NAV2: variants seen among roughly 807,000 people sequenced by gnomAD.
NAV2 encodes helicase, APC down-regulated 1.
A neutral mutation model predicts 223.2 loss-of-function variants in NAV2; 54 were observed. The observed-to-expected ratio is 0.24, with a 90% confidence interval of 0.19 to 0.30. The LOEUF is 0.30. Ranked by LOEUF, NAV2 falls within the 10% of genes least tolerant of loss-of-function variation. The pLI is 1.00. For missense variants in NAV2, 2,806 were observed against 3,147.5 expected, an observed-to-expected ratio of 0.89 and a Z score of 2.60; for synonymous variants, 1,279 against 1,239.3, an observed-to-expected ratio of 1.03 and a Z score of -0.67.
chr11:19,400,504 T>C (rs1474353249), intron 1 of NAV2, among the ~76,000 whole-genome samples: 1 of 152,208 alleles, frequency 6.6e-6, no homozygotes, highest in Non-Finnish European at 1.5e-5. Context: ...ACACAGGAAC[T>C]GAAGCCAGGT....
Position 19,945,443 on chromosome 11 carries a change from C to T in NAV2, c.2147-958C>T, listed in dbSNP as rs545957467. ...AGGCTGGATTGCAATGGCACAATCT[C>T]GGCTGACTGCAACCTCTACCTTCTA... On this transcript the variant is annotated intron_variant, in intron 8 of 37. Coordinates refer to ENST00000349880, the MANE Select transcript of NAV2 (RefSeq NM_145117.5). 7.2e-5 allele frequency among the ~76,000 whole-genome samples: 11 copies of T among 152,008 alleles called. No individual in the cohort carries two copies. The East Asian group carries it at 1.9e-3, about 27-fold the overall frequency.
At chr11:19,350,460 CT>C (rs762775952), upstream of NAV2, among the ~76,000 whole-genome samples, 1 of 152,218 alleles carries the variant, frequency 6.6e-6, no homozygotes, top group Non-Finnish European at 1.5e-5. Flanking sequence ...TGAGGGGCGG[CT>C]TTCCGCGCAG....
intron 20 of NAV2, 90 bp from the exon 21 acceptor site, chr11:20,068,096 C>G (rs1175102889): frequency 1.8e-6 from 2 of 1,136,624 alleles, no homozygotes; most frequent in African/African-American, 1.5e-5. Flanking sequence ...CAGACTGCTG[C>G]AACCATCTGA....
Position 20,030,710 on chromosome 11 carries a change from C to A in NAV2, c.2769-5249C>A, listed in dbSNP as rs78135677. On this transcript the variant is annotated intron_variant, in intron 11 of 37. Coordinates refer to ENST00000349880, the MANE Select transcript of NAV2 (RefSeq NM_145117.5). ...TTTCTAAGCACTTAAGCAACTCTTG[C>A]AAATCAAATAAATTAGAGTTACAAA... is the stretch of plus-strand genomic sequence containing the variant. Among the ~76,000 whole-genome samples, 373 of 152,326 alleles carry A rather than the reference C, an allele frequency of 2.4e-3. 2 individuals carry two copies. The highest frequency in any genetic ancestry group is 8.5e-3 in the African/African-American group (355 of 41,580).
At chr11:19,671,803 AG>A (rs1402783393) in intron 1 of NAV2, among the ~76,000 whole-genome samples, 1 of 152,230 alleles carries the variant, frequency 6.6e-6, no homozygotes. Flanking sequence ...AAACAGGCCA[AG>A]GGCCAGATCT....
chr11:19,582,334 T>C (rs1253349795), intron 1 of NAV2, among the ~76,000 whole-genome samples: 2 of 152,202 alleles, frequency 1.3e-5, no homozygotes, highest in East Asian at 1.9e-4. Context: ...ACTCTGATGG[T>C]AGTTTCTTTT....
At chr11:19,463,872 G>T (rs1193646804) in intron 1 of NAV2, among the ~76,000 whole-genome samples, 4 of 152,032 alleles carry the variant, frequency 2.6e-5, no homozygotes, top group African/African-American at 9.7e-5. Flanking sequence ...CTGGGCTGGG[G>T]GTCCTTCCTG....
chr11:19,920,789 A>G (rs1035895796), intron 6 of NAV2, among the ~76,000 whole-genome samples: 4 of 152,228 alleles, frequency 2.6e-5, no homozygotes, highest in African/African-American at 7.2e-5. Context: ...TCTGAATATC[A>G]CAGAACAGAA....
At chr11:19,735,351 G>A (rs1019515260) in intron 1 of NAV2, among the ~76,000 whole-genome samples, 4 of 152,170 alleles carry the variant, frequency 2.6e-5, no homozygotes, top group African/African-American at 9.7e-5. Flanking sequence ...ATTTCCCTGC[G>A]AGCAGCTTTC....
rs569740265 is a variant in NAV2, at chr11:19,382,474, G to A, written c.75+31447G>A. ...GCGTCTGCCGTTCATGCAGCAGCTCGCTCCAGCCAGATGCTCCGGCAGCCC... is the reference window on the plus strand; with the variant it reads ...GCGTCTGCCGTTCATGCAGCAGCTCACTCCAGCCAGATGCTCCGGCAGCCC... On this transcript the variant is annotated intron_variant, in intron 1 of 37. Coordinates refer to the NAV2 transcript ENST00000360655. Among the ~76,000 whole-genome samples the A allele has an allele frequency of 3.9e-5, 6 of 152,276 alleles. No homozygotes were observed. The South Asian group carries it at 1.2e-3, about 32-fold the overall frequency.
intron 1 of NAV2, among the ~76,000 whole-genome samples, chr11:19,799,363 A>C (rs75921479): frequency 0.057 from 8,667 of 152,208 alleles, 307 homozygotes; most frequent in Non-Finnish European, 0.087. Flanking sequence ...TTAGTTCTAC[A>C]ATTGCTGAGT....
At chr11:20,029,256 G>C (rs35782564) in intron 11 of NAV2, among the ~76,000 whole-genome samples, 6,237 of 152,322 alleles carry the variant, frequency 0.041, 165 homozygotes, top group African/African-American at 0.068. Flanking sequence ...GGGGCCTGGA[G>C]AGGATGTGTC....
chr11:19,449,322 G>A lies in NAV2; in HGVS notation c.75+98295G>A, dbSNP rs7126308. 2.2e-3 allele frequency among the ~76,000 whole-genome samples: 338 copies of A among 152,066 alleles called. 3 individuals carry two copies. The highest frequency in any genetic ancestry group is 7.6e-3 in the African/African-American group (317 of 41,454). ...GATTTGAAATGTGGGAGCCAAGCCC[G>A]GAAGGCGGAGTTTGCAGTGAGCTGA... On this transcript the variant is annotated intron_variant, in intron 1 of 37. Transcript: ENST00000360655.
chr11:19,621,781 T>G (rs986811636), intron 1 of NAV2, among the ~76,000 whole-genome samples: 3 of 152,212 alleles, frequency 2.0e-5, no homozygotes, highest in Admixed American at 6.5e-5. Context: ...TCTTAGTTAT[T>G]TCTTGCCTTC....
rs116420580 is a variant in NAV2 at position 20,010,179 on chromosome 11, C to T, written c.2769-25780C>T. Among the ~76,000 whole-genome samples, 654 of 152,272 alleles carry T rather than the reference C, an allele frequency of 4.3e-3. 4 individuals carry two copies. The highest frequency in any genetic ancestry group is 0.015 in the African/African-American group (615 of 41,542). On this transcript the variant is annotated intron_variant, in intron 11 of 37. Transcript: ENST00000349880. Reference sequence around the variant, plus strand: ...GCATCTCTCAAACCCCACCCCCTTCCCTTCTGTAAGACTTCTCATCCTGAC... The same window carrying T: ...GCATCTCTCAAACCCCACCCCCTTCTCTTCTGTAAGACTTCTCATCCTGAC...
At chr11:19,951,544 C>G (rs2047397359) in intron 10 of NAV2, among the ~76,000 whole-genome samples, 2 of 150,206 alleles carry the variant, frequency 1.3e-5, no homozygotes, top group South Asian at 4.3e-4. Flanking sequence ...TACTACCGAA[C>G]AAATTGTGGC....
At chr11:20,076,625 A>G (rs2059771680) in intron 22 of NAV2, among the ~76,000 whole-genome samples, 1 of 152,154 alleles carries the variant, frequency 6.6e-6, no homozygotes, top group African/African-American at 2.4e-5. Context: ...TCAATCAACT[A>G]ATATATCACC....
At chr11:20,025,103 A>G (rs368227160) in intron 11 of NAV2, among the ~76,000 whole-genome samples, 6 of 152,206 alleles carry the variant, frequency 3.9e-5, no homozygotes, top group African/African-American at 1.4e-4. Context: ...ATCTGTATTC[A>G]AATCCAGCTC....
At chr11:19,781,759 CTT>C (rs5790090) in intron 1 of NAV2, among the ~76,000 whole-genome samples, 45 of 148,074 alleles carry the variant, frequency 3.0e-4, no homozygotes, top group East Asian at 9.9e-4. Flanking sequence ...GCTCCTTTAG[CTT>C]TTTTTTTTTT....
Sources: allele counts gnomAD v4.1 joint callset (sites outside exome capture counted in the v4.1 genomes callset), GRCh38; gene constraint gnomAD v4.1.1; transcripts MANE v1.5; gene names NCBI Gene and HGNC (gene_info 2026-07-23, HGNC 2026-07-21).